CUX2: variants seen among roughly 807,000 people sequenced by gnomAD.
The protein encoded by CUX2 is homeobox protein cut-like 2.
Under a neutral mutation model 144.8 loss-of-function variants are expected in CUX2, and 40 were observed. That is an observed-to-expected ratio of 0.28 (90% CI 0.21 to 0.36). The LOEUF is 0.36. CUX2 is among the 10% of genes least tolerant of loss of function. The probability of loss-of-function intolerance (pLI) is 1.00; values close to 1 mark genes in which losing one functional copy is unlikely to be tolerated. For synonymous variants in CUX2, 827 were observed against 875.6 expected (o/e 0.94, Z 0.98); for missense variants, 1,615 against 1,994.0 (o/e 0.81, Z 3.62).
rs1168526470 is a variant in CUX2 at position 111,034,628 on chromosome 12, C to A, written c.63+388C>A. 6.6e-6 allele frequency among the ~76,000 whole-genome samples: 1 copy of A among 151,288 alleles called. No homozygotes were observed. The highest frequency in any genetic ancestry group is 6.6e-5 in the Admixed American group (1 of 15,228). Reference sequence around the variant, plus strand: ...CTTTGCGCGCCTCCCAACTTCGCGGCGCCCGGGGAGGCCGCGGAGCGCGCC... The same window carrying A: ...CTTTGCGCGCCTCCCAACTTCGCGGAGCCCGGGGAGGCCGCGGAGCGCGCC... On this transcript the variant is annotated intron_variant, in intron 1 of 21. Coordinates refer to ENST00000261726, the MANE Select transcript of CUX2 (RefSeq NM_015267.4). This position sits in a 1 kb window ranked among gnomAD's most constrained non-coding sequence, Gnocchi z 4.2.
intron 1 of CUX2, among the ~76,000 whole-genome samples, chr12:111,079,947 T>G (rs1871779474): frequency 6.6e-6 from 1 of 152,210 alleles, no homozygotes; most frequent in South Asian, 2.1e-4. Flanking sequence ...AAAAATACCC[T>G]CTGGTCTAAT....
intron 19 of CUX2, among the ~76,000 whole-genome samples, chr12:111,337,852 A>G (rs972754006): frequency 6.6e-5 from 10 of 152,278 alleles, no homozygotes; most frequent in African/African-American, 2.4e-4. Context: ...CCTGGCCAAC[A>G]TGGGAAACCC....
Position 111,320,875 on chromosome 12 carries a change from G to A in CUX2, c.2766+100G>A. The A allele has an allele frequency of 7.8e-7, 1 of 1,284,114 alleles. No homozygotes were observed. The highest frequency in any genetic ancestry group is 1.0e-6 in the Non-Finnish European group (1 of 983,554). The allele number at this position is 1,284,114 out of a possible 1,614,324, so 79.5% of individuals were successfully genotyped here. On this transcript the variant is annotated intron_variant, in intron 17 of 21. Coordinates refer to ENST00000261726, the MANE Select transcript of CUX2 (RefSeq NM_015267.4). The surrounding 1 kb of genome is among the most constrained non-coding windows in gnomAD (Gnocchi z 8.1). Reference sequence around the variant, plus strand: ...GGCTGGCGGGACCCCAGGGGCCCAGGCCCTTCATTCCTGAGTCCTGCTGTC... The same window carrying A: ...GGCTGGCGGGACCCCAGGGGCCCAGACCCTTCATTCCTGAGTCCTGCTGTC...
intron 3 of CUX2, among the ~76,000 whole-genome samples, chr12:111,250,209 G>A (rs776630904): frequency 6.6e-6 from 1 of 152,184 alleles, no homozygotes; most frequent in Non-Finnish European, 1.5e-5. Context: ...GTGAACCTGA[G>A]TTTGTTCTGA....
intron 3 of CUX2, among the ~76,000 whole-genome samples, chr12:111,251,580 G>A (rs530067568): frequency 2.6e-5 from 4 of 152,234 alleles, no homozygotes; most frequent in South Asian, 2.1e-4. Context: ...CGGTATCTCC[G>A]GGAGCCTGAC....
intron 2 of CUX2, among the ~76,000 whole-genome samples, chr12:111,217,387 C>G (rs926354883): frequency 9.2e-5 from 14 of 152,156 alleles, no homozygotes; most frequent in Admixed American, 7.9e-4. Flanking sequence ...GAGGTGGCTA[C>G]AGGGTAGGGT....
chr12:111,338,696 T>C (rs529210229), intron 20 of CUX2, among the ~76,000 whole-genome samples: 39 of 152,278 alleles, frequency 2.6e-4, no homozygotes, highest in Non-Finnish European at 4.9e-4. Context: ...TAGTCCTGGC[T>C]GCTTGGGAGG....
intron 16 of CUX2, among the ~76,000 whole-genome samples, chr12:111,316,244 T>C (rs4766507): frequency 0.41 from 61,282 of 148,706 alleles, 17,773 homozygotes; most frequent in East Asian, 0.89. Context: ...TGGGTTCAAG[T>C]GATTCCGCCT....
intron 1 of CUX2, among the ~76,000 whole-genome samples, chr12:111,168,505 C>A (rs1049749864): frequency 6.6e-6 from 1 of 152,340 alleles, no homozygotes; most frequent in African/African-American, 2.4e-5. Flanking sequence ...CACACCAGAA[C>A]CTCGTCCCGT....
At position 111,322,385 on chromosome 12, in the gene CUX2, G is replaced by T. The variant is rs1393142026; in HGVS notation, c.2767-36G>T. ...TGAGGGCCAGGCCCATGTCCCAGGG[G>T]CCTGCTGACCTACCCCCCTGGCCCG... On this transcript the variant is annotated intron_variant, in intron 17 of 21. Coordinates refer to ENST00000261726, the MANE Select transcript of CUX2 (RefSeq NM_015267.4). The surrounding 1 kb of genome is among the most constrained non-coding windows in gnomAD (Gnocchi z 4.2). The T allele has an allele frequency of 2.0e-6, 3 of 1,523,916 alleles. No homozygotes were observed. The East Asian group carries it at 7.4e-5, about 38-fold the overall frequency. 94.4% of individuals were successfully genotyped at this position (1,523,916 alleles called of 1,614,324 possible).
intron 1 of CUX2, among the ~76,000 whole-genome samples, chr12:111,180,335 T>C (rs1434098891): frequency 1.3e-5 from 2 of 152,116 alleles, no homozygotes; most frequent in Non-Finnish European, 2.9e-5. Flanking sequence ...CAGATCCCTC[T>C]ACAGGGAGGG....
At chr12:111,257,079 A>G (rs1325512360) in intron 3 of CUX2, among the ~76,000 whole-genome samples, 1 of 152,082 alleles carries the variant, frequency 6.6e-6, no homozygotes, top group African/African-American at 2.4e-5. Context: ...GACTAAACAC[A>G]TTGTCACCCC....
intron 1 of CUX2, among the ~76,000 whole-genome samples, chr12:111,100,496 G>T (rs377321644): frequency 6.6e-6 from 1 of 152,122 alleles, no homozygotes; most frequent in African/African-American, 2.4e-5. Flanking sequence ...GGATGTGTGT[G>T]TGTATCTTAA....
At chr12:111,056,147 T>C (rs149024127) in intron 1 of CUX2, among the ~76,000 whole-genome samples, 4,275 of 152,330 alleles carry the variant, frequency 0.028, 76 homozygotes, top group Middle Eastern at 0.058. Context: ...GCGTTTCTCA[T>C]GCCGGCCTCT....
In CUX2 at chr12:111,252,898, A is replaced by AAATG. The variant is rs1024536130; in HGVS notation, c.223-10845_223-10842dup. Among the ~76,000 whole-genome samples the AAATG allele has an allele frequency of 7.2e-5, 11 of 151,782 alleles. 1 individual carries two copies. In the East Asian group the frequency reaches 7.8e-4, roughly 11 times the overall value. ...GCAACATAGGGAGACCCCCATCTCT[A>AAATG]AATGAATGAATGAATGAATGATTAT... On this transcript the variant is annotated intron_variant, in intron 3 of 21. Coordinates refer to ENST00000261726, the MANE Select transcript of CUX2 (RefSeq NM_015267.4).
intron 21 of CUX2, among the ~76,000 whole-genome samples, chr12:111,346,546 ATTAT>A (rs1888819570): frequency 6.6e-6 from 1 of 152,046 alleles, no homozygotes; most frequent in African/African-American, 2.4e-5. Flanking sequence ...ATAAGCGCCC[ATTAT>A]TATTATGTTT....
At position 111,186,682 on chromosome 12, in the gene CUX2, G is replaced by A. The variant is rs1879553315; in HGVS notation, c.64-27518G>A. 6.6e-6 allele frequency among the ~76,000 whole-genome samples: 1 copy of A among 152,236 alleles called. No individual in the cohort carries two copies. Among genetic ancestry groups the A allele is most frequent in the Non-Finnish European group, 1.5e-5 (1 of 68,048 alleles). On this transcript the variant is annotated intron_variant, in intron 1 of 21. Coordinates refer to ENST00000261726, the MANE Select transcript of CUX2 (RefSeq NM_015267.4). This position sits in a 1 kb window ranked among gnomAD's most constrained non-coding sequence, Gnocchi z 4.4. Reference sequence around the variant, plus strand: ...ACCTTGTATGACCTTGCCACTCTGAGCCTCTGTTTCCTTCTCTGCGAAGTG... The same window carrying A: ...ACCTTGTATGACCTTGCCACTCTGAACCTCTGTTTCCTTCTCTGCGAAGTG...
intron 1 of CUX2, among the ~76,000 whole-genome samples, chr12:111,213,129 C>T (rs1565852081): frequency 6.6e-6 from 1 of 152,086 alleles, no homozygotes; most frequent in African/African-American, 2.4e-5. Context: ...ATTGCATCAC[C>T]GGATTTAGGA....
intron 3 of CUX2, among the ~76,000 whole-genome samples, chr12:111,221,045 G>A (rs1195748294): frequency 6.6e-6 from 1 of 151,714 alleles, no homozygotes; most frequent in African/African-American, 2.4e-5. Context: ...TACTAGGACA[G>A]AGAAAGTCTT....
Sources: gnomAD v4.1 joint callset for allele counts (sites outside exome capture counted in the v4.1 genomes callset) on GRCh38, gnomAD v4.1.1 for gene constraint, Gnocchi (gnomAD v3.1) non-coding constraint, MANE v1.5 for transcripts, NCBI Gene and HGNC (gene_info 2026-07-23, HGNC 2026-07-21) for gene names.